The following ENPP1 variants were observed in gnomAD, a reference collection of about 807,000 sequenced individuals.
The protein encoded by ENPP1 is ectonucleotide pyrophosphatase/phosphodiesterase 1.
ENPP1 carries 73 observed loss-of-function variants against 122.8 expected under a neutral mutation model. The ratio of observed to expected loss-of-function variants is 0.59; its 90% CI spans 0.49 to 0.72. ENPP1 has a LOEUF of 0.72. Ranked by LOEUF, ENPP1 falls within the 30% of genes least tolerant of loss-of-function variation. The probability of loss-of-function intolerance (pLI) is 0.00; values close to 1 mark genes in which losing one functional copy is unlikely to be tolerated. For synonymous variants in ENPP1, 367 were observed against 391.6 expected, an observed-to-expected ratio of 0.94 and a Z score of 0.74; for missense variants, 978 against 1,128.1, an observed-to-expected ratio of 0.87 and a Z score of 1.91.
chr6:131,853,446 T>C (rs1170404323), intron 5 of ENPP1, among the ~76,000 whole-genome samples: 2 of 152,214 alleles, frequency 1.3e-5, no homozygotes, highest in Non-Finnish European at 2.9e-5. Flanking sequence ...AGATTGTAAC[T>C]TAGGACACTT....
Position 131,860,388 on chromosome 6 carries a change from G to T in ENPP1, c.797G>T (p.Gly266Val), listed in dbSNP as rs121908248. The T allele has an allele frequency of 3.1e-6, 5 of 1,593,540 alleles. No homozygotes were observed. Among genetic ancestry groups the T allele is most frequent in the Non-Finnish European group, 4.3e-6 (5 of 1,162,626 alleles). Residue 266 changes from glycine to valine, a missense_variant and splice_region_variant, in exon 8 of 25, where the codon GGA becomes GTA. Physicochemically the swap from Gly to Val is moderately radical, Grantham distance 109. Around this residue, in one of 3 missense-constraint regions of ENPP1, gnomAD observed 644 missense variants for 781.5 expected, o/e 0.82. Transcript: ENST00000647893. ...TFPNHYSIVTGLYPESHGIID... is the reference protein window; with the variant it reads ...TFPNHYSIVTVLYPESHGIID... Reference sequence around the variant, plus strand: ...TATAATCTGTTTTATCTTTTTTAGGGATTGTATCCAGAATCTCATGGCATA... The same window carrying T: ...TATAATCTGTTTTATCTTTTTTAGGTATTGTATCCAGAATCTCATGGCATA...
intron 24 of ENPP1, among the ~76,000 whole-genome samples, chr6:131,889,126 C>G (rs1427485202): frequency 6.6e-6 from 1 of 152,094 alleles, no homozygotes; most frequent in East Asian, 1.9e-4. Flanking sequence ...CAAAATAACC[C>G]GATGAGGAGG....
intron 22 of ENPP1, 52 bp downstream of exon 22, chr6:131,883,826 T>C (rs1024833170): frequency 2.2e-6 from 2 of 890,146 alleles, no homozygotes; most frequent in African/African-American, 3.3e-5. Context: ...TGTGCACATA[T>C]AGGCATAATT....
At position 131,808,251 on chromosome 6, in the gene ENPP1, C is replaced by A; in HGVS notation, c.216C>A (p.Pro72=). Residue 72 remains proline (P), a synonymous_variant, in exon 1 of 25, where the codon CCC becomes CCA. Coordinates refer to ENST00000647893, the MANE Select transcript of ENPP1 (RefSeq NM_006208.3). ...CGCGCGCCCGCACTGCCAAGGACCC[C>A]AACACCTATAAAGTACTCTCGCTGG... ...KAARARTAKD[P]NTYKVLSLVL... is the part of the protein sequence containing the mutation. 1 of 1,519,454 alleles carries A rather than the reference C, an allele frequency of 6.6e-7. No individual in the cohort carries two copies. Among genetic ancestry groups the A allele is most frequent in the Non-Finnish European group, 8.8e-7 (1 of 1,133,142 alleles). 94.1% of individuals were successfully genotyped at this position (1,519,454 alleles called of 1,614,324 possible).
At chr6:131,853,184 A>G (rs1781902440) in intron 5 of ENPP1, among the ~76,000 whole-genome samples, 1 of 152,048 alleles carries the variant, frequency 6.6e-6, no homozygotes, top group African/African-American at 2.4e-5. Flanking sequence ...TTTGGAAGGA[A>G]AAGTACTTTT....
intron 1 of ENPP1, chr6:131,820,625 CATTCTTTTAT>C (rs1035224181): frequency 1.3e-5 from 2 of 152,206 alleles, no homozygotes; most frequent in African/African-American, 4.8e-5. Flanking sequence ...TGTATCCTTA[CATTCTTTTAT>C]AAATTTCAAA....
Position 131,851,216 on chromosome 6 carries a change from G to T in ENPP1, c.505G>T (p.Asp169Tyr). 6.2e-7 allele frequency: 1 copy of T among 1,614,116 alleles called. No individual in the cohort carries two copies. ...CAGAAGCCTCTGTGCCTGTTCAGAT[G>T]ACTGCAAGGACAAGGGCGACTGCTG... ...LTRSLCACSD[D>Y]CKDKGDCCIN... The change falls in exon 4 of 25, where the codon GAC becomes TAC. Residue 169 changes from aspartate to tyrosine, a missense_variant. Transcript: ENST00000647893.
At chr6:131,827,675 C>T (rs556279165) in intron 1 of ENPP1, 5 of 645,590 alleles carry the variant, frequency 7.7e-6, no homozygotes, top group East Asian at 5.9e-5. Context: ...TTCTGCTCTA[C>T]GTGCATGCGG....
intron 4 of ENPP1, 169 bp downstream of exon 4, chr6:131,851,436 G>A (rs1405294644): frequency 1.4e-6 from 1 of 722,022 alleles, no homozygotes; most frequent in Non-Finnish European, 2.3e-6. Context: ...ACATACACAT[G>A]GGGAGAGAGA....
At chr6:131,832,192 A>G (rs1333461608) in intron 1 of ENPP1, among the ~76,000 whole-genome samples, 7 of 150,758 alleles carry the variant, frequency 4.6e-5, no homozygotes, top group Non-Finnish European at 1.5e-5. Context: ...TTTTCCTTAC[A>G]GATTTCTTAA....
At chr6:131,842,488 T>A (rs548579328) in intron 1 of ENPP1, among the ~76,000 whole-genome samples, 57 of 152,232 alleles carry the variant, frequency 3.7e-4, no homozygotes, top group African/African-American at 9.9e-4. Context: ...GCAAATTATT[T>A]TTTTTTTTTG....
chr6:131,827,707 A>G, intron 1 of ENPP1: 1 of 665,706 alleles, frequency 1.5e-6, no homozygotes, highest in South Asian at 1.5e-5. Context: ...TTTTTCAAAG[A>G]TGGCTGTGGC....
chr6:131,860,196 A>C (rs1319440578), intron 7 of ENPP1, among the ~76,000 whole-genome samples, 191 bp from the exon 8 acceptor site: 2 of 152,180 alleles, frequency 1.3e-5, no homozygotes, highest in Non-Finnish European at 2.9e-5. Flanking sequence ...CATAATTTAA[A>C]TCACAAATAC....
At position 131,890,698 on chromosome 6, in the gene ENPP1, C is replaced by G. The variant is rs1782458098; in HGVS notation, c.*187C>G. On this transcript the variant is annotated 3_prime_UTR_variant, in exon 25 of 25. Transcript: ENST00000647893. The stretch of plus-strand genomic sequence containing the variant: ...GCAGTGGAGAGTGTTCCTGTTGAAT[C>G]TTGCACATATTTGAATGTGTAAGCA... The G allele has an allele frequency of 9.7e-6, 6 of 620,832 alleles. No homozygotes were observed. Among genetic ancestry groups the G allele is most frequent in the Non-Finnish European group, 1.4e-5 (5 of 349,608 alleles). 38.5% of individuals were successfully genotyped at this position (620,832 alleles called of 1,614,324 possible).
intron 21 of ENPP1, among the ~76,000 whole-genome samples, chr6:131,882,854 C>G (rs1782330911): frequency 6.6e-6 from 1 of 151,464 alleles, no homozygotes; most frequent in African/African-American, 2.4e-5. Context: ...TTCTTTTAAA[C>G]AATTTGAGAA....
chr6:131,836,504 T>C (rs969861667), intron 1 of ENPP1, among the ~76,000 whole-genome samples: 1 of 152,182 alleles, frequency 6.6e-6, no homozygotes, highest in African/African-American at 2.4e-5. Context: ...TTGTTCTCTT[T>C]ATTCACAATT....
At chr6:131,809,598 G>A (rs1781323290) in intron 1 of ENPP1, among the ~76,000 whole-genome samples, 1 of 152,160 alleles carries the variant, frequency 6.6e-6, no homozygotes, top group Non-Finnish European at 1.5e-5. Context: ...GTTAATGGAA[G>A]ACCTTAGCTT....
chr6:131,847,099 G>A (rs947443371), intron 1 of ENPP1, among the ~76,000 whole-genome samples: 6 of 152,194 alleles, frequency 3.9e-5, no homozygotes, highest in Admixed American at 1.3e-4. Context: ...GAGGTTGTCA[G>A]CTGACCCTCT....
At chr6:131,827,442 C>A in intron 1 of ENPP1, 1 of 670,968 alleles carries the variant, frequency 1.5e-6, no homozygotes, top group Admixed American at 2.3e-5. Flanking sequence ...GGAGGTCAGA[C>A]TGTAGAGTAC....
Sources: gnomAD v4.1 joint callset for allele counts (sites outside exome capture counted in the v4.1 genomes callset) on GRCh38, gnomAD v4.1.1 for gene constraint, gnomAD v4.1.1 regional missense constraint, MANE v1.5 for transcripts, NCBI Gene and HGNC (gene_info 2026-07-23, HGNC 2026-07-21) for gene names.